The following GSG1L variants were observed in gnomAD, a reference collection of about 807,000 sequenced individuals.
The protein encoded by GSG1L is germ cell-specific gene 1-like protein.
Under a neutral mutation model 42.1 loss-of-function variants are expected in GSG1L, and 24 were observed. The ratio of observed to expected loss-of-function variants is 0.57; its 90% CI spans 0.41 to 0.80. GSG1L has a LOEUF of 0.80. Among genes scored for constraint, GSG1L ranks in the 30% least tolerant of loss-of-function variants. GSG1L has a pLI of 0.00. For synonymous variants in GSG1L, 215 were observed against 203.5 expected (o/e 1.06, Z -0.48); for missense variants, 445 against 472.2 (o/e 0.94, Z 0.53).
intron 4 of GSG1L, among the ~76,000 whole-genome samples, chr16:27,835,567 G>GT (rs1246669247): frequency 6.6e-6 from 1 of 150,812 alleles, no homozygotes; most frequent in Non-Finnish European, 1.5e-5. Context: ...TTGTTCCTCT[G>GT]TTTTTTGTTT....
intron 1 of GSG1L, among the ~76,000 whole-genome samples, chr16:28,039,190 A>G (rs1304423834): frequency 6.6e-6 from 1 of 152,212 alleles, no homozygotes; most frequent in Non-Finnish European, 1.5e-5. Flanking sequence ...TAGAAAAAAC[A>G]ATGTGATCAG....
chr16:27,893,731 C>T (rs2084157553), intron 2 of GSG1L, among the ~76,000 whole-genome samples: 1 of 152,036 alleles, frequency 6.6e-6, no homozygotes, highest in African/African-American at 2.4e-5. Flanking sequence ...AGACATGCAC[C>T]ACCATGCCCA....
rs543254439 is a variant in GSG1L, at chr16:27,883,194, C to T, written c.550+1292G>A. 4.6e-5 allele frequency among the ~76,000 whole-genome samples: 7 copies of T among 150,930 alleles called. No individual in the cohort carries two copies. The East Asian group carries it at 1.2e-3, about 25-fold the overall frequency. On this transcript the variant is annotated intron_variant, in intron 3 of 6. Transcript: ENST00000447459. ...AGGACTGAGTCTTTTTCCTTCAACT[C>T]CCCCAAACAAGCACAGTGCCCAGTT...
chr16:28,007,508 T>TTGG (rs1203614982), intron 1 of GSG1L, among the ~76,000 whole-genome samples: 6 of 105,298 alleles, frequency 5.7e-5, no homozygotes, highest in African/African-American at 3.6e-4. Context: ...GGTTGGTTGG[T>TTGG]TGGTTGGTGG....
intron 2 of GSG1L, among the ~76,000 whole-genome samples, chr16:27,904,545 C>T (rs1428877985): frequency 6.6e-6 from 1 of 152,070 alleles, no homozygotes; most frequent in East Asian, 1.9e-4. Context: ...ATCGAATCTC[C>T]CCTCCATAAA....
At chr16:27,821,123 TC>T (rs1328749719) in intron 5 of GSG1L, among the ~76,000 whole-genome samples, 1 of 152,090 alleles carries the variant, frequency 6.6e-6, no homozygotes, top group African/African-American at 2.4e-5. Context: ...TGAAGCCACT[TC>T]CGGGAGACTC....
intron 2 of GSG1L, among the ~76,000 whole-genome samples, chr16:27,937,147 G>GCAGGGCGTCTGCT (rs2084727826): frequency 1.3e-5 from 2 of 152,212 alleles, no homozygotes; most frequent in South Asian, 2.1e-4. Context: ...CAAGGCTCCA[G>GCAGGGCGTCTGCT]CCAGTGTTTC....
intron 1 of GSG1L, among the ~76,000 whole-genome samples, chr16:28,033,215 G>A (rs541483100): frequency 1.2e-4 from 18 of 152,108 alleles, no homozygotes; most frequent in Non-Finnish European, 2.2e-4. Context: ...CTCTCTTACC[G>A]TCCTCTAGGT....
intron 1 of GSG1L, among the ~76,000 whole-genome samples, chr16:28,011,258 C>T (rs2085713557): frequency 6.6e-6 from 1 of 152,234 alleles, no homozygotes; most frequent in Non-Finnish European, 1.5e-5. Context: ...GCCAGTCCTG[C>T]CTCATGACAG....
intron 1 of GSG1L, among the ~76,000 whole-genome samples, chr16:28,006,277 G>A (rs1225746089): frequency 6.7e-6 from 1 of 148,466 alleles, no homozygotes; most frequent in African/African-American, 2.5e-5. Flanking sequence ...GGCACAGCCT[G>A]CCAACACCTT....
At chr16:27,897,445 C>T (rs867751646) in intron 2 of GSG1L, among the ~76,000 whole-genome samples, 4 of 152,088 alleles carry the variant, frequency 2.6e-5, no homozygotes, top group Non-Finnish European at 4.4e-5. Context: ...ACCACAGGCA[C>T]GTTCTATTGT....
intron 2 of GSG1L, among the ~76,000 whole-genome samples, chr16:27,912,776 G>A (rs2084406466): frequency 1.3e-5 from 2 of 152,018 alleles, no homozygotes; most frequent in Admixed American, 1.3e-4. Flanking sequence ...AGACATTCTT[G>A]CACCATAATA....
intron 1 of GSG1L, among the ~76,000 whole-genome samples, chr16:27,989,173 A>G (rs2085425958): frequency 1.3e-5 from 2 of 152,042 alleles, no homozygotes; most frequent in South Asian, 2.1e-4. Flanking sequence ...TCTCCTCTCT[A>G]TCAAAGAGTA....
At chr16:28,055,014 G>T (rs896140027) in intron 1 of GSG1L, among the ~76,000 whole-genome samples, 1 of 152,124 alleles carries the variant, frequency 6.6e-6, no homozygotes, top group South Asian at 2.1e-4. Context: ...CGTCACTCTC[G>T]TAGGTTTCCA....
At chr16:28,024,847 G>A (rs1410650803) in intron 1 of GSG1L, among the ~76,000 whole-genome samples, 1 of 152,244 alleles carries the variant, frequency 6.6e-6, no homozygotes, top group Non-Finnish European at 1.5e-5. Context: ...AGCTGAGGCT[G>A]AGCAGGGCTG....
intron 3 of GSG1L, among the ~76,000 whole-genome samples, chr16:27,881,954 C>G (rs1419158179): frequency 1.3e-5 from 2 of 152,146 alleles, no homozygotes; most frequent in Non-Finnish European, 2.9e-5. Flanking sequence ...GCCTCCCCAC[C>G]TCCATTCTTG....
chr16:27,911,278 T>TCTCTCTCTCTCTCTCTC (rs2084386583), intron 2 of GSG1L, among the ~76,000 whole-genome samples: 5 of 132,760 alleles, frequency 3.8e-5, no homozygotes, highest in African/African-American at 1.1e-4. Context: ...TCTCTCTCTC[T>TCTCTCTCTCTCTCTCTC]CTCTCTCTCT....
chr16:27,984,915 G>A (rs1288113284), intron 1 of GSG1L, among the ~76,000 whole-genome samples: 1 of 151,864 alleles, frequency 6.6e-6, no homozygotes, highest in East Asian at 1.9e-4. Flanking sequence ...GAGCCACCAC[G>A]CCCAGCTAAT....
At chr16:27,991,473 T>A (rs777389285) in intron 1 of GSG1L, among the ~76,000 whole-genome samples, 20 of 152,104 alleles carry the variant, frequency 1.3e-4, no homozygotes, top group Non-Finnish European at 1.8e-4. Context: ...TGGTGCAATC[T>A]CGGCTCACTG....
Sources: allele counts gnomAD v4.1 joint callset (sites outside exome capture counted in the v4.1 genomes callset), GRCh38; gene constraint gnomAD v4.1.1; transcripts MANE v1.5; gene names NCBI Gene and HGNC (gene_info 2026-07-23, HGNC 2026-07-21).